The following CUBN variants were observed in gnomAD, a reference collection of about 807,000 sequenced individuals.
The protein encoded by CUBN is cubilin.
Under a neutral mutation model 405.3 loss-of-function variants are expected in CUBN, and 282 were observed. The observed-to-expected ratio is 0.70, with a 90% CI of 0.63 to 0.77. CUBN has a LOEUF of 0.77. Ranked by LOEUF, CUBN falls within the 30% of genes least tolerant of loss-of-function variation. CUBN has a pLI of 0.00. For missense variants in CUBN, 4,514 were observed against 4,475.2 expected (o/e 1.01, Z -0.25); for synonymous variants, 1,684 against 1,617.0 (o/e 1.04, Z -0.99).
intron 22 of CUBN, among the ~76,000 whole-genome samples, chr10:17,062,875 AT>A (rs1448002219): frequency 6.6e-6 from 1 of 152,370 alleles, no homozygotes; most frequent in East Asian, 1.9e-4. Context: ...ATAAAGTAAG[AT>A]GAGGGCAAAT....
At chr10:17,087,552 T>C (rs1178386911) in intron 15 of CUBN, among the ~76,000 whole-genome samples, 2 of 137,894 alleles carry the variant, frequency 1.5e-5, no homozygotes, top group Non-Finnish European at 3.1e-5. Context: ...CTCAGCTCAC[T>C]GCAACCTCCG....
rs1842617022 is a variant in CUBN, at chr10:16,940,212, C to T, written c.5368G>A (p.Asp1790Asn). 6.2e-7 allele frequency: 1 copy of T among 1,614,010 alleles called. No homozygotes were observed. The highest frequency in any genetic ancestry group is 2.2e-5 in the East Asian group (1 of 44,880). ...FISFQLEDSQ[D>N]CSRDFVEIRE... ...ATCTCCACAAAATCTCTGCTGCAGT[C>T]CTGAGAGTCTTCCAACTGGAAAGAT... The change falls in exon 37 of 67, where the codon GAC becomes AAC. Residue 1790 changes from aspartate (D) to asparagine (N), a missense_variant. Physicochemically the swap from Asp to Asn is conservative, Grantham distance 23. This residue lies in a region of CUBN where 1,613 missense variants were observed against 1,542.8 expected (regional missense o/e 1.05). Coordinates refer to ENST00000377833, the MANE Select transcript of CUBN (RefSeq NM_001081.4).
At chr10:16,843,115 G>A (rs61844026) in intron 60 of CUBN, among the ~76,000 whole-genome samples, 2 of 152,150 alleles carry the variant, frequency 1.3e-5, no homozygotes, top group Non-Finnish European at 2.9e-5. Context: ...TCCCACGTGT[G>A]GGGAGACAGA....
At chr10:16,990,902 A>G (rs1447830142) in intron 28 of CUBN, among the ~76,000 whole-genome samples, 1 of 152,212 alleles carries the variant, frequency 6.6e-6, no homozygotes, top group Non-Finnish European at 1.5e-5. Context: ...CGTGAACTTC[A>G]GGTCCCTGGG....
rs186524455 is a variant in CUBN, at chr10:16,896,517, A to G, written c.8598+2479T>C. On this transcript the variant is annotated intron_variant, in intron 54 of 66. Coordinates refer to ENST00000377833, the MANE Select transcript of CUBN (RefSeq NM_001081.4). ...ATTAGGGCCTCCATGGTTTCAGATGAGAAATCTGCTTTTATTCTAACTGGT... is the reference window on the plus strand; with the variant it reads ...ATTAGGGCCTCCATGGTTTCAGATGGGAAATCTGCTTTTATTCTAACTGGT... Among the ~76,000 whole-genome samples, 31 of 152,328 alleles carry G rather than the reference A, an allele frequency of 2.0e-4. No individual in the cohort carries two copies. The East Asian group carries it at 6.0e-3, about 29-fold the overall frequency.
chr10:16,956,359 C>T (rs1843064993), intron 31 of CUBN, among the ~76,000 whole-genome samples: 1 of 151,370 alleles, frequency 6.6e-6, no homozygotes, highest in Admixed American at 6.6e-5. Context: ...TAAATGAAAC[C>T]TGATGACTGA....
intron 10 of CUBN, among the ~76,000 whole-genome samples, chr10:17,106,365 GC>G (rs71377017): frequency 0.13 from 20,322 of 151,398 alleles, 1,685 homozygotes; most frequent in Middle Eastern, 0.3. Context: ...ACTTTGGGAG[GC>G]CGAGGCAGGC....
At position 16,877,098 on chromosome 10, in the gene CUBN, C is replaced by T. The variant is rs1311093574; in HGVS notation, c.8906-1G>A. 6.2e-7 allele frequency: 1 copy of T among 1,612,482 alleles called. No individual in the cohort carries two copies. The highest frequency in any genetic ancestry group is 1.7e-5 in the Admixed American group (1 of 59,770). ...CAGCTTCCCGTCACAGCGGAACGAG[C>T]TGGAAAAGGCATGGAACAACCGCAT... is the stretch of plus-strand genomic sequence containing the variant. On this transcript the variant is annotated splice_acceptor_variant, in intron 56 of 66. Transcript: ENST00000377833. LOFTEE classifies it high-confidence loss of function.
chr10:16,853,862 G>A (rs1485141749), intron 59 of CUBN, among the ~76,000 whole-genome samples: 3 of 152,158 alleles, frequency 2.0e-5, no homozygotes, highest in East Asian at 1.9e-4. Context: ...GCGTAGCACA[G>A]AAGAACGATG....
intron 22 of CUBN, among the ~76,000 whole-genome samples, chr10:17,055,305 C>T (rs1835365849): frequency 6.6e-6 from 1 of 152,018 alleles, no homozygotes; most frequent in African/African-American, 2.4e-5. Flanking sequence ...CCAAAGCTAA[C>T]ATCATACTTA....
chr10:17,002,563 C>T (rs996336039), intron 28 of CUBN, among the ~76,000 whole-genome samples: 27 of 152,066 alleles, frequency 1.8e-4, no homozygotes, highest in Admixed American at 3.9e-4. Context: ...CCTGAGAGGC[C>T]CTTGCTGGTG....
intron 59 of CUBN, among the ~76,000 whole-genome samples, chr10:16,858,091 A>C (rs921780731): frequency 6.6e-6 from 1 of 152,190 alleles, no homozygotes; most frequent in Non-Finnish European, 1.5e-5. Flanking sequence ...ATTTAGGTAT[A>C]TACTTAATGA....
chr10:16,921,085 A>G (rs558632240), intron 43 of CUBN, among the ~76,000 whole-genome samples: 5 of 152,228 alleles, frequency 3.3e-5, no homozygotes, highest in Non-Finnish European at 7.3e-5. Flanking sequence ...ATGCCCCTGC[A>G]AATATATGTT....
chr10:16,844,351 A>C (rs1332475451), intron 60 of CUBN, among the ~76,000 whole-genome samples: 2 of 151,998 alleles, frequency 1.3e-5, no homozygotes, highest in Non-Finnish European at 2.9e-5. Context: ...CAGGCCATGG[A>C]AGTGTGAAAT....
rs374801028 is a variant in CUBN at position 17,047,459 on chromosome 10, A to G, written c.3284T>C (p.Leu1095Ser). The G allele has an allele frequency of 2.5e-6, 4 of 1,613,972 alleles. No individual in the cohort carries two copies. The highest frequency in any genetic ancestry group is 1.3e-5 in the African/African-American group (1 of 74,938). ...LIAVHFTNFS[L>S]EEAIGNYYTD... is the part of the protein sequence containing the mutation. The stretch of plus-strand genomic sequence containing the variant: ...ATAATAGTTTCCAATGGCTTCCTCC[A>G]AGGAGAAGTTTGTGAAGTGCACTGC... The change falls in exon 23 of 67, where the codon TTG (leucine) becomes TCG (serine). Residue 1095 changes from leucine to serine, a missense_variant. Around this residue, in one of 5 missense-constraint regions of CUBN, gnomAD observed 1,448 missense variants for 1,388.0 expected, o/e 1.04. Transcript: ENST00000377833.
chr10:16,877,170 A>C (rs187604123), intron 56 of CUBN, 73 bp from the exon 57 acceptor site: 1 of 1,306,192 alleles, frequency 7.7e-7, no homozygotes, highest in East Asian at 2.5e-5. Flanking sequence ...AAATAAAAAC[A>C]AAAATGTGAT....
intron 31 of CUBN, among the ~76,000 whole-genome samples, chr10:16,972,028 C>T (rs975775213): frequency 1.3e-5 from 2 of 152,106 alleles, no homozygotes; most frequent in Non-Finnish European, 2.9e-5. Context: ...TCCTCACGCT[C>T]GTTGGCATCC....
chr10:16,829,082 T>C, intron 65 of CUBN, 42 bp from the exon 66 acceptor site: 1 of 1,485,634 alleles, frequency 6.7e-7, no homozygotes, highest in Non-Finnish European at 9.4e-7. Flanking sequence ...CAACAGCATA[T>C]AAGCCGTCCA....
rs1839680792 is a variant in CUBN at position 16,851,428 on chromosome 10, C to T, written c.9470G>A (p.Cys3157Tyr). 1.9e-6 allele frequency: 3 copies of T among 1,614,154 alleles called. No individual in the cohort carries two copies. The highest frequency in any genetic ancestry group is 2.5e-6 in the Non-Finnish European group (3 of 1,180,008). The change falls in exon 60 of 67, where the codon TGT (cysteine) becomes TAT (tyrosine). Residue 3157 changes from cysteine to tyrosine, a missense_variant. Cys to Tyr is a radical substitution (Grantham distance 194). This residue lies in a region of CUBN where 1,186 missense variants were observed against 1,186.9 expected (regional missense o/e 1.00). Transcript: ENST00000377833. ...ATTCGAGCCTGTCAGATAACCACCA[C>T]ATCCTTGCTGAGGCCCTGCATTAAA... is the stretch of plus-strand genomic sequence containing the variant. ...FRQTLGPQQG[C>Y]GGYLTGSNNT...
Sources: gnomAD v4.1 joint callset for allele counts (sites outside exome capture counted in the v4.1 genomes callset) on GRCh38, gnomAD v4.1.1 for gene constraint, gnomAD v4.1.1 regional missense constraint, MANE v1.5 for transcripts, NCBI Gene and HGNC (gene_info 2026-07-23, HGNC 2026-07-21) for gene names.